Variants in ZNF175 observed in about 807,000 individuals in gnomAD.
ZNF175 encodes the protein zinc finger protein 175.
Under a neutral mutation model 14.0 loss-of-function variants are expected in ZNF175, and 8 were observed. The ratio of observed to expected loss-of-function variants is 0.57; its 90% confidence interval spans 0.34 to 1.03. The LOEUF (loss-of-function observed/expected upper bound fraction) is 1.03. ZNF175 is among the 50% of genes least tolerant of loss of function. ZNF175 has a pLI of 0.03. For synonymous variants in ZNF175, 255 were observed against 296.8 expected (o/e 0.86, Z 1.45); for missense variants, 764 against 849.5 (o/e 0.90, Z 1.25).
chr19:51,582,375 G>A (rs1982035562), intron 4 of ZNF175, among the ~76,000 whole-genome samples: 1 of 152,096 alleles, frequency 6.6e-6, no homozygotes, highest in Admixed American at 6.5e-5. Context: ...TTGGCTTACT[G>A]CAACCTCTGC....
chr19:51,581,471 G>A lies in ZNF175; in HGVS notation c.153G>A (p.Leu51=), dbSNP rs369786167. The change falls in exon 3 of 5, where the codon CTG becomes CTA. Residue 51 remains leucine, a synonymous_variant. Transcript: ENST00000262259. The part of the protein sequence containing the change: ...WQQLDPAQRC[L]YRDVMLELYS... ...AACTGGACCCTGCCCAGAGATGCCT[G>A]TACCGGGATGTGATGCTGGAGCTCT... 8.2e-5 allele frequency: 132 copies of A among 1,614,044 alleles called. No individual in the cohort carries two copies. The highest frequency in any genetic ancestry group is 9.9e-5 in the Non-Finnish European group (117 of 1,180,036).
Position 51,573,344 on chromosome 19 carries a change from G to A in ZNF175, c.15G>A (p.Val5=), listed in dbSNP as rs372388459. 1.9e-6 allele frequency: 3 copies of A among 1,612,916 alleles called. No individual in the cohort carries two copies. The African/African-American group carries it at 4.0e-5, about 22-fold the overall frequency. ...CCAGAGTGGAGATGCCTGCTGATGT[G>A]AATTTATCCCAGAAGCCTCAGGTCC... MPAD[V]NLSQKPQVLG... Residue 5 remains valine, a synonymous_variant, in exon 2 of 5, where the codon GTG becomes GTA. Transcript: ENST00000262259.
intron 2 of ZNF175, 123 bp from the exon 3 acceptor site, chr19:51,581,268 T>G: frequency 7.4e-7 from 1 of 1,360,446 alleles, no homozygotes; most frequent in Admixed American, 2.1e-5. Flanking sequence ...AAATAGGTGT[T>G]TGGTGGGAAG....
intron 4 of ZNF175, among the ~76,000 whole-genome samples, chr19:51,582,111 G>A (rs1982026604): frequency 6.6e-6 from 1 of 152,148 alleles, no homozygotes; most frequent in Non-Finnish European, 1.5e-5. Context: ...CCTGGTCCTG[G>A]AGATAAGTAT....
At chr19:51,575,108 T>C (rs1211192157) in intron 2 of ZNF175, among the ~76,000 whole-genome samples, 1 of 152,078 alleles carries the variant, frequency 6.6e-6, no homozygotes, top group Non-Finnish European at 1.5e-5. Flanking sequence ...CAGGCTTTTT[T>C]TTCATAATTT....
chr19:51,591,798 GCT>G lies in ZNF175; in HGVS notation c.*3334_*3335del, dbSNP rs1982353621. 7.0e-6 allele frequency: 1 copy of G among 142,920 alleles called. No individual in the cohort carries two copies. Among genetic ancestry groups the G allele is most frequent in the Non-Finnish European group, 1.5e-5 (1 of 66,760 alleles). 8.9% of individuals were successfully genotyped at this position (142,920 alleles called of 1,614,324 possible). A position where few individuals can be genotyped will look rare whatever the true frequency, so the allele number is the denominator to read the frequency against. On this transcript the variant is annotated 3_prime_UTR_variant, in exon 5 of 5. Coordinates refer to ENST00000262259, the MANE Select transcript of ZNF175 (RefSeq NM_007147.4). ...TTTTTTTCTTGTGAGATGGAGTCTC[GCT>G]CTGTCGCCCAGGCTCTGGAGTGCAG...
chr19:51,578,844 C>G (rs1448838754), intron 2 of ZNF175, among the ~76,000 whole-genome samples: 1 of 152,054 alleles, frequency 6.6e-6, no homozygotes, highest in Non-Finnish European at 1.5e-5. Context: ...TGGCCACGTG[C>G]AGTGGCTCAC....
intron 2 of ZNF175, among the ~76,000 whole-genome samples, chr19:51,575,879 G>A (rs1487624557): frequency 6.6e-6 from 1 of 152,116 alleles, no homozygotes; most frequent in Non-Finnish European, 1.5e-5. Context: ...TCTAGAACTG[G>A]TTCAGATTCT....
At chr19:51,578,733 T>C (rs1391290393) in intron 2 of ZNF175, among the ~76,000 whole-genome samples, 1 of 151,852 alleles carries the variant, frequency 6.6e-6, no homozygotes, top group Non-Finnish European at 1.5e-5. Context: ...CACCACTGCA[T>C]TCCATCCTGG....
chr19:51,576,779 GTCTTGAATCCTT>G (rs6146550), intron 2 of ZNF175, among the ~76,000 whole-genome samples: 90,985 of 151,262 alleles, frequency 0.6, 27,777 homozygotes, highest in East Asian at 0.84. Flanking sequence ...AGTTCCTTGT[GTCTTGAATCCTT>G]TCTTGAATCC....
At chr19:51,583,572 T>C (rs773432301) in intron 4 of ZNF175, among the ~76,000 whole-genome samples, 1 of 152,210 alleles carries the variant, frequency 6.6e-6, no homozygotes, top group South Asian at 2.1e-4. Context: ...GACAATTTTG[T>C]TCCCAGTGAG....
At chr19:51,586,595 G>A in intron 4 of ZNF175, 32 bp from the exon 5 acceptor site, 1 of 1,544,682 alleles carries the variant, frequency 6.5e-7, no homozygotes, top group African/African-American at 1.4e-5. Context: ...CTTGTTCATT[G>A]TGTCTATTTC....
In ZNF175 at chr19:51,573,415, G is replaced by A. The variant is rs1981661620; in HGVS notation, c.72+14G>A. 5 of 1,612,624 alleles carry A rather than the reference G, an allele frequency of 3.1e-6. No homozygotes were observed. The East Asian group carries it at 8.9e-5, about 29-fold the overall frequency. On this transcript the variant is annotated intron_variant, in intron 2 of 4. Coordinates refer to ENST00000262259, the MANE Select transcript of ZNF175 (RefSeq NM_007147.4). ...GGATCTTGCGAGGTAAACAGGGGCA[G>A]CCCTGGGGATAGTTCTCCAGAACGT...
intron 4 of ZNF175, among the ~76,000 whole-genome samples, chr19:51,586,370 G>A (rs568787830): frequency 2.6e-4 from 39 of 152,278 alleles, no homozygotes; most frequent in African/African-American, 8.7e-4. Flanking sequence ...ACCCATCATC[G>A]CTACCTCCTG....
At position 51,580,114 on chromosome 19, in the gene ZNF175, A is replaced by G. The variant is rs148635448; in HGVS notation, c.73-1277A>G. Among the ~76,000 whole-genome samples, 251 of 152,264 alleles carry G rather than the reference A, an allele frequency of 1.6e-3. 3 individuals carry two copies. In the East Asian group the frequency reaches 0.017, roughly 10 times the overall value. The stretch of plus-strand genomic sequence containing the variant: ...TATCTGTCTTTTAAACATGGCTACT[A>G]GACAATTTTAAGTTATATGTGTGGC... On this transcript the variant is annotated intron_variant, in intron 2 of 4. Coordinates refer to ENST00000262259, the MANE Select transcript of ZNF175 (RefSeq NM_007147.4).
rs1982252837 is a variant in ZNF175 at position 51,588,479 on chromosome 19, A to G, written c.*12A>G. 6.6e-7 allele frequency: 1 copy of G among 1,524,792 alleles called. No individual in the cohort carries two copies. The highest frequency in any genetic ancestry group is 1.4e-5 in the African/African-American group (1 of 72,034). 94.5% of individuals were successfully genotyped at this position (1,524,792 alleles called of 1,614,324 possible). A position where few individuals can be genotyped will look rare whatever the true frequency, so the allele number is the denominator to read the frequency against. ...TTACCAAGCAATGAATTCCTAGTGC[A>G]TCAGCATATTCATAAATGAAATATA... On this transcript the variant is annotated 3_prime_UTR_variant, in exon 5 of 5. Transcript: ENST00000262259.
Position 51,587,425 on chromosome 19 carries a change from G to A in ZNF175, c.1094G>A (p.Cys365Tyr), listed in dbSNP as rs1305918827. The A allele has an allele frequency of 3.1e-6, 5 of 1,614,170 alleles. No individual in the cohort carries two copies. In the East Asian group the frequency reaches 1.1e-4, roughly 36 times the overall value. The change falls in exon 5 of 5, where the codon TGC (cysteine) becomes TAC (tyrosine). Residue 365 changes from cysteine to tyrosine, a missense_variant. Physicochemically the swap from Cys to Tyr is radical, Grantham distance 194. Coordinates refer to ENST00000262259, the MANE Select transcript of ZNF175 (RefSeq NM_007147.4). ...CACACTAGAAAGAAGCCCTATAAAT[G>A]CCATGACTGTGGAAAAGCCTTTTTC... is the stretch of plus-strand genomic sequence containing the variant. The part of the protein sequence containing the change: ...KTHTRKKPYK[C>Y]HDCGKAFFQM...
In ZNF175 at chr19:51,591,822, G is replaced by C. The variant is rs1261893359; in HGVS notation, c.*3355G>C. 2 of 149,488 alleles carry C rather than the reference G, an allele frequency of 1.3e-5. No individual in the cohort carries two copies. The highest frequency in any genetic ancestry group is 2.5e-5 in the African/African-American group (1 of 40,250). 9.3% of individuals were successfully genotyped at this position (149,488 alleles called of 1,614,324 possible). On this transcript the variant is annotated 3_prime_UTR_variant, in exon 5 of 5. Coordinates refer to ENST00000262259, the MANE Select transcript of ZNF175 (RefSeq NM_007147.4). Reference sequence around the variant, plus strand: ...CGCTCTGTCGCCCAGGCTCTGGAGTGCAGTGGCACGATCTCAGCTCACTGC... The same window carrying C: ...CGCTCTGTCGCCCAGGCTCTGGAGTCCAGTGGCACGATCTCAGCTCACTGC...
intron 2 of ZNF175, among the ~76,000 whole-genome samples, chr19:51,574,759 G>T (rs1014682898): frequency 6.6e-6 from 1 of 152,132 alleles, no homozygotes; most frequent in Non-Finnish European, 1.5e-5. Context: ...CATTGATGTT[G>T]GTCAACTTGC....
Sources: gnomAD v4.1 joint callset for allele counts (sites outside exome capture counted in the v4.1 genomes callset) on GRCh38, gnomAD v4.1.1 for gene constraint, MANE v1.5 for transcripts, NCBI Gene and HGNC (gene_info 2026-07-23, HGNC 2026-07-21) for gene names.